The following OR2L13 variants were observed in gnomAD, a reference collection of about 807,000 sequenced individuals.
OR2L13 encodes the protein olfactory receptor family 2 subfamily L member 13.
OR2L13 carries 14 observed loss-of-function variants against 15.3 expected under a neutral mutation model. The observed-to-expected ratio is 0.91, with a 90% CI of 0.60 to 1.43. The LOEUF (loss-of-function observed/expected upper bound fraction) is 1.43, where lower values mean the gene tolerates loss of function less well. Among genes scored for constraint, OR2L13 ranks in the 40% most tolerant of loss-of-function variants. The pLI is 0.00. For missense variants in OR2L13, 367 were observed against 387.9 expected, an observed-to-expected ratio of 0.95 and a Z score of 0.45; for synonymous variants, 152 against 142.9, an observed-to-expected ratio of 1.06 and a Z score of -0.45.
At chr1:248,002,835 G>C in the OR2L13 span, among the ~76,000 whole-genome samples, 2 of 150,366 alleles carry the variant, frequency 1.3e-5, no homozygotes, top group Non-Finnish European at 2.9e-5. Flanking sequence ...TCCAGCCTGG[G>C]CGAAGCGAGA....
At chr1:248,080,133 A>AT in the OR2L13 span, among the ~76,000 whole-genome samples, 935 of 151,476 alleles carry the variant, frequency 6.2e-3, 11 homozygotes, top group African/African-American at 0.021. Context: ...ACAGATACAT[A>AT]TTTTTTTTTA....
the OR2L13 span, among the ~76,000 whole-genome samples, chr1:248,069,373 T>TA: frequency 1.3e-5 from 2 of 152,130 alleles, no homozygotes; most frequent in African/African-American, 4.8e-5. Flanking sequence ...CCAGCCAAAC[T>TA]AAGCTTCATA....
chr1:248,073,990 G>A, the OR2L13 span, among the ~76,000 whole-genome samples: 1,251 of 151,490 alleles, frequency 8.3e-3, 24 homozygotes, highest in African/African-American at 0.029. Flanking sequence ...ATTATATATC[G>A]GACTTAAAAA....
At chr1:248,044,302 C>T in the OR2L13 span, among the ~76,000 whole-genome samples, 1 of 152,198 alleles carries the variant, frequency 6.6e-6, no homozygotes, top group African/African-American at 2.4e-5. Flanking sequence ...AAAAATACTA[C>T]ATGATCTCCC....
chr1:248,097,505 A>T (rs965307503), intron 1 of OR2L13, among the ~76,000 whole-genome samples: 1 of 152,214 alleles, frequency 6.6e-6, no homozygotes, highest in Non-Finnish European at 1.5e-5. Flanking sequence ...GATTCACAGG[A>T]TCCTAAAAGT....
At chr1:247,971,879 C>A in the OR2L13 span, among the ~76,000 whole-genome samples, 1 of 152,262 alleles carries the variant, frequency 6.6e-6, no homozygotes, top group African/African-American at 2.4e-5. Context: ...GTCAAACACT[C>A]CTCAGCAAAT....
chr1:247,977,730 A>G, the OR2L13 span, among the ~76,000 whole-genome samples: 1 of 152,110 alleles, frequency 6.6e-6, no homozygotes, highest in Non-Finnish European at 1.5e-5. Context: ...GTTTCTTTAG[A>G]TATCATCTTT....
At chr1:248,026,977 G>A in the OR2L13 span, among the ~76,000 whole-genome samples, 1 of 152,302 alleles carries the variant, frequency 6.6e-6, no homozygotes, top group South Asian at 2.1e-4. Context: ...CAATGTTCAG[G>A]GAACAAGGGA....
the OR2L13 span, among the ~76,000 whole-genome samples, chr1:248,071,824 A>C: frequency 1.3e-5 from 2 of 149,956 alleles, no homozygotes; most frequent in Admixed American, 6.6e-5. Flanking sequence ...GCATTCTTAT[A>C]CACCAATAAC....
At chr1:248,067,392 G>GT in the OR2L13 span, among the ~76,000 whole-genome samples, 2 of 152,146 alleles carry the variant, frequency 1.3e-5, no homozygotes, top group African/African-American at 4.8e-5. Flanking sequence ...ATAGTTGCAT[G>GT]TTTTTTAAAA....
the OR2L13 span, chr1:247,990,732 T>C: frequency 6.4e-7 from 1 of 1,574,084 alleles, no homozygotes; most frequent in Non-Finnish European, 8.7e-7. Flanking sequence ...CCATCAACTC[T>C]TGTGCTCACA....
At chr1:247,964,569 A>G in the OR2L13 span, among the ~76,000 whole-genome samples, 8 of 151,982 alleles carry the variant, frequency 5.3e-5, no homozygotes, top group African/African-American at 1.2e-4. Context: ...TATATAGTGC[A>G]TGGTGGTGTT....
At chr1:248,046,947 T>G in the OR2L13 span, 3 of 152,328 alleles carry the variant, frequency 2.0e-5, no homozygotes, top group African/African-American at 7.2e-5. Flanking sequence ...TGGCAAGTGC[T>G]TAAGAGACCT....
At chr1:247,957,187 A>G in the OR2L13 span, among the ~76,000 whole-genome samples, 1 of 152,204 alleles carries the variant, frequency 6.6e-6, no homozygotes, top group Admixed American at 6.5e-5. Context: ...CCTTTTCTGC[A>G]TCTATTGAGA....
At chr1:247,944,485 T>C in the OR2L13 span, among the ~76,000 whole-genome samples, 1 of 152,108 alleles carries the variant, frequency 6.6e-6, no homozygotes, top group South Asian at 2.1e-4. Flanking sequence ...CAGGCCCCAG[T>C]AAGTGTGGTT....
At chr1:247,946,179 G>A in the OR2L13 span, among the ~76,000 whole-genome samples, 1 of 152,036 alleles carries the variant, frequency 6.6e-6, no homozygotes, top group Admixed American at 6.6e-5. Context: ...AGTACAGCAG[G>A]TTTTGGCTGT....
At chr1:248,061,586 G>C in the OR2L13 span, 1 of 1,612,780 alleles carries the variant, frequency 6.2e-7, no homozygotes, top group Non-Finnish European at 8.5e-7. Context: ...GCCCTGACAC[G>C]AGTGAGTCAG....
the OR2L13 span, among the ~76,000 whole-genome samples, chr1:247,999,356 G>A: frequency 6.6e-6 from 1 of 152,060 alleles, no homozygotes; most frequent in Non-Finnish European, 1.5e-5. Flanking sequence ...GTACTTACTG[G>A]TGTATCTATC....
the OR2L13 span, among the ~76,000 whole-genome samples, chr1:248,060,403 T>C: frequency 6.6e-6 from 1 of 152,232 alleles, no homozygotes; most frequent in Non-Finnish European, 1.5e-5. Context: ...GAGAGAAAGA[T>C]AGAGACCATA....
Sources: gnomAD v4.1 joint callset for allele counts (sites outside exome capture counted in the v4.1 genomes callset) on GRCh38, gnomAD v4.1.1 for gene constraint, MANE v1.5 for transcripts, NCBI Gene and HGNC (gene_info 2026-07-23, HGNC 2026-07-21) for gene names.